LINGO2: variants seen among roughly 807,000 people sequenced by gnomAD.
The protein encoded by LINGO2 is leucine rich repeat and Ig domain containing 2.
A neutral mutation model predicts 30.6 loss-of-function variants in LINGO2; 14 were observed. The observed-to-expected ratio is 0.46, with a 90% CI of 0.30 to 0.72. The LOEUF is 0.72. LINGO2 is among the 30% of genes least tolerant of loss of function. The pLI is 0.07. For missense variants in LINGO2, 729 were observed against 751.7 expected (o/e 0.97, Z 0.35); for synonymous variants, 317 against 288.5 (o/e 1.10, Z -1.00).
intron 5 of LINGO2, among the ~76,000 whole-genome samples, chr9:27,984,132 G>A (rs909357737): frequency 6.6e-6 from 1 of 151,818 alleles, no homozygotes; most frequent in East Asian, 1.9e-4. Context: ...AGAGATTTGT[G>A]GTCCCTTTCA....
chr9:28,877,787 A>G, the LINGO2 span, among the ~76,000 whole-genome samples: 1 of 152,134 alleles, frequency 6.6e-6, no homozygotes, highest in Admixed American at 6.5e-5. Flanking sequence ...AATTCTGTGA[A>G]GAAAGTCATT....
the LINGO2 span, among the ~76,000 whole-genome samples, chr9:28,894,222 G>A: frequency 6.6e-6 from 1 of 152,112 alleles, no homozygotes; most frequent in Non-Finnish European, 1.5e-5. Flanking sequence ...ACGTGTGCAT[G>A]TGTCTTTATA....
At chr9:28,824,148 T>C in the LINGO2 span, among the ~76,000 whole-genome samples, 2 of 152,118 alleles carry the variant, frequency 1.3e-5, no homozygotes, top group Non-Finnish European at 2.9e-5. Flanking sequence ...CGGTAATAAC[T>C]GACAAAAGTC....
chr9:28,312,059 A>G lies in LINGO2; in HGVS notation c.-245-16693T>C, dbSNP rs992100563. 3.3e-5 allele frequency among the ~76,000 whole-genome samples: 5 copies of G among 152,172 alleles called. No individual in the cohort carries two copies. The East Asian group carries it at 7.7e-4, about 23-fold the overall frequency. On this transcript the variant is annotated intron_variant, in intron 3 of 5. Transcript: ENST00000379992. The stretch of plus-strand genomic sequence containing the variant: ...CGTTCGGGGTCCCTGACTTCCCACA[A>G]CAAGTAAGGCTTCTTCTGAAATTAG...
chr9:28,841,626 A>G, the LINGO2 span, among the ~76,000 whole-genome samples: 1 of 151,818 alleles, frequency 6.6e-6, no homozygotes, highest in Non-Finnish European at 1.5e-5. Flanking sequence ...ATGAAAAAAA[A>G]TAAAGCAGAA....
chr9:28,386,865 A>C (rs935257062), intron 2 of LINGO2, among the ~76,000 whole-genome samples: 19 of 152,248 alleles, frequency 1.2e-4, no homozygotes, highest in African/African-American at 4.3e-4. Context: ...AATAAGAAGA[A>C]TATCAAGCAG....
intron 1 of LINGO2, among the ~76,000 whole-genome samples, chr9:28,557,294 T>G (rs1466217383): frequency 1.3e-5 from 2 of 151,490 alleles, no homozygotes; most frequent in Non-Finnish European, 2.9e-5. Context: ...TCCAACAAAT[T>G]TACAAGAAAA....
chr9:28,836,023 T>C, the LINGO2 span, among the ~76,000 whole-genome samples: 2 of 152,174 alleles, frequency 1.3e-5, no homozygotes, highest in African/African-American at 4.8e-5. Context: ...AATGAATAAA[T>C]AATTGAGTGA....
intron 4 of LINGO2, among the ~76,000 whole-genome samples, chr9:28,162,873 T>G (rs549586573): frequency 6.6e-6 from 1 of 152,184 alleles, no homozygotes; most frequent in Non-Finnish European, 1.5e-5. Context: ...TGTAGAGATA[T>G]GTAGGGTAAG....
At chr9:28,256,957 A>T (rs560058205) in intron 4 of LINGO2, among the ~76,000 whole-genome samples, 3 of 152,022 alleles carry the variant, frequency 2.0e-5, no homozygotes, top group African/African-American at 7.2e-5. Flanking sequence ...TCTGCCTTTA[A>T]ATCTATTGTG....
the LINGO2 span, among the ~76,000 whole-genome samples, chr9:28,795,794 A>G: frequency 1.3e-5 from 2 of 152,054 alleles, no homozygotes; most frequent in Admixed American, 6.6e-5. Context: ...ATTCTTTTCA[A>G]AAAGATCCTT....
chr9:28,931,452 A>G, the LINGO2 span, among the ~76,000 whole-genome samples: 4 of 152,178 alleles, frequency 2.6e-5, no homozygotes, highest in African/African-American at 9.7e-5. Context: ...GAGTTACTCA[A>G]TGCCTTCAGA....
rs549017296 is a variant in LINGO2 at position 28,060,403 on chromosome 9, G to T, written c.-86-47998C>A. On this transcript the variant is annotated intron_variant, in intron 4 of 5. Transcript: ENST00000379992. ...TAGCTAACACTTGGTTTCTTACTAT[G>T]TGCCAGTACTTTTGTAAGTGCCCCA... 5.9e-5 allele frequency among the ~76,000 whole-genome samples: 9 copies of T among 152,190 alleles called. No individual in the cohort carries two copies. The South Asian group carries it at 1.0e-3, about 18-fold the overall frequency.
At chr9:28,590,933 G>T (rs189423835) in intron 1 of LINGO2, among the ~76,000 whole-genome samples, 1 of 151,940 alleles carries the variant, frequency 6.6e-6, no homozygotes, top group African/African-American at 2.4e-5. Context: ...GATAGACTGC[G>T]TTAAGAAAAT....
chr9:28,769,498 ATATATATATATATATATATATTTTT>A, the LINGO2 span, among the ~76,000 whole-genome samples: 36 of 8,510 alleles, frequency 4.2e-3, 4 homozygotes, highest in African/African-American at 0.022. Flanking sequence ...ATATATATAT[ATATATATATATATATATATATTTTT>A]TTTTTTTTTT....
chr9:28,497,119 A>G (rs2135295663), intron 1 of LINGO2, among the ~76,000 whole-genome samples: 1 of 152,162 alleles, frequency 6.6e-6, no homozygotes, highest in South Asian at 2.1e-4. Flanking sequence ...ACTTTGGTGA[A>G]TCTGATAATT....
intron 2 of LINGO2, among the ~76,000 whole-genome samples, chr9:28,426,583 G>A (rs79929502): frequency 6.6e-6 from 1 of 152,172 alleles, no homozygotes; most frequent in East Asian, 1.9e-4. Context: ...ACCAATAGAA[G>A]TTTTTAAATA....
At chr9:29,079,115 G>A in the LINGO2 span, among the ~76,000 whole-genome samples, 1 of 150,642 alleles carries the variant, frequency 6.6e-6, no homozygotes, top group Non-Finnish European at 1.5e-5. Flanking sequence ...CCTAATTTGG[G>A]TATAGACAGA....
At chr9:28,910,236 C>T in the LINGO2 span, among the ~76,000 whole-genome samples, 45 of 151,928 alleles carry the variant, frequency 3.0e-4, 2 homozygotes, top group Admixed American at 2.4e-3. Context: ...GGCATAAAAT[C>T]GATTTTGATT....
Sources: allele counts gnomAD v4.1 joint callset (sites outside exome capture counted in the v4.1 genomes callset), GRCh38; gene constraint gnomAD v4.1.1; transcripts MANE v1.5; gene names NCBI Gene and HGNC (gene_info 2026-07-23, HGNC 2026-07-21).